Variants in FER observed in about 807,000 individuals in gnomAD.
FER encodes FER tyrosine kinase.
In FER, 63 loss-of-function variants were observed where a neutral mutation model predicts 111.0. The ratio of observed to expected loss-of-function variants is 0.57; its 90% CI spans 0.46 to 0.70. FER has a LOEUF of 0.70. Ranked by LOEUF, FER falls within the 30% of genes least tolerant of loss-of-function variation. The pLI, the probability that FER is intolerant of heterozygous loss-of-function variation, is 0.00. For synonymous variants in FER, 327 were observed against 313.9 expected (o/e 1.04, Z -0.44); for missense variants, 914 against 954.0 (o/e 0.96, Z 0.55).
chr5:108,994,533 T>C (rs1763749014), intron 13 of FER, among the ~76,000 whole-genome samples: 1 of 152,176 alleles, frequency 6.6e-6, no homozygotes, highest in Non-Finnish European at 1.5e-5. Flanking sequence ...TAGTTTGAAG[T>C]TGGGTAGTAT....
At chr5:108,813,528 G>T (rs184947922) in intron 3 of FER, among the ~76,000 whole-genome samples, 2 of 151,856 alleles carry the variant, frequency 1.3e-5, no homozygotes. Context: ...TATGGATTTG[G>T]CTGTTTAAAG....
At chr5:109,017,362 C>G (rs981164019) in intron 13 of FER, among the ~76,000 whole-genome samples, 1 of 151,920 alleles carries the variant, frequency 6.6e-6, no homozygotes, top group African/African-American at 2.4e-5. Flanking sequence ...TCATACATTA[C>G]AAATACAAAA....
chr5:109,121,694 G>A (rs1482435107), intron 17 of FER, among the ~76,000 whole-genome samples: 2 of 151,990 alleles, frequency 1.3e-5, no homozygotes, highest in East Asian at 3.9e-4. Flanking sequence ...TTAAATGTTT[G>A]GTAAAATTCA....
intron 3 of FER, among the ~76,000 whole-genome samples, chr5:108,824,042 C>G (rs893068685): frequency 2.6e-5 from 4 of 151,846 alleles, no homozygotes; most frequent in African/African-American, 7.3e-5. Flanking sequence ...CTATCTTTTC[C>G]CTATTGTGTA....
At chr5:108,883,254 C>T in intron 8 of FER, 142 bp from the exon 9 acceptor site, 1 of 734,716 alleles carries the variant, frequency 1.4e-6, no homozygotes, top group South Asian at 3.7e-5. Flanking sequence ...AACCAAAGAG[C>T]TGAAATTTTA....
At chr5:108,839,572 C>CT (rs1232820003) in intron 5 of FER, among the ~76,000 whole-genome samples, 8,171 of 94,742 alleles carry the variant, frequency 0.086, 525 homozygotes, top group South Asian at 0.13. Flanking sequence ...ATGCCATTTT[C>CT]TTTTTTTTTT....
chr5:108,820,045 GGAAA>G (rs1758687424), intron 3 of FER: 6 of 985,078 alleles, frequency 6.1e-6, no homozygotes, highest in Non-Finnish European at 4.8e-6. Context: ...AAAGGGAATG[GGAAA>G]GAGTGGAGAG....
chr5:108,941,957 A>G (rs957933342), intron 10 of FER, among the ~76,000 whole-genome samples: 8 of 152,166 alleles, frequency 5.3e-5, no homozygotes, highest in East Asian at 1.9e-4. Context: ...AAGGTTCTCA[A>G]CTGTAACACA....
intron 2 of FER, chr5:108,785,563 G>A: frequency 2.0e-6 from 1 of 506,616 alleles, no homozygotes; most frequent in South Asian, 1.6e-5. Flanking sequence ...GAAGTTTATG[G>A]CAGAGCTTTA....
At chr5:108,923,804 A>ATT (rs1187344147) in intron 10 of FER, among the ~76,000 whole-genome samples, 1 of 152,134 alleles carries the variant, frequency 6.6e-6, no homozygotes, top group Non-Finnish European at 1.5e-5. Flanking sequence ...CTTAGAGATC[A>ATT]TTTACACATA....
intron 8 of FER, among the ~76,000 whole-genome samples, chr5:108,875,667 G>A (rs1040911094): frequency 1.3e-5 from 2 of 152,074 alleles, no homozygotes; most frequent in Non-Finnish European, 2.9e-5. Context: ...ATCTAATGGT[G>A]ACCTATTGCA....
chr5:109,036,876 T>C (rs894688604), intron 13 of FER, among the ~76,000 whole-genome samples: 1 of 152,026 alleles, frequency 6.6e-6, no homozygotes, highest in African/African-American at 2.4e-5. Flanking sequence ...CCTAGTGATA[T>C]TGTAATTGGT....
intron 3 of FER, among the ~76,000 whole-genome samples, chr5:108,831,151 G>A (rs192273869): frequency 2.0e-5 from 3 of 152,182 alleles, no homozygotes; most frequent in Non-Finnish European, 2.9e-5. Context: ...AAATCTTCTC[G>A]CCTAGGCTGC....
intron 17 of FER, among the ~76,000 whole-genome samples, chr5:109,162,973 A>G (rs1023947205): frequency 6.6e-6 from 1 of 152,054 alleles, no homozygotes; most frequent in Non-Finnish European, 1.5e-5. Flanking sequence ...ATCATCCCCA[A>G]AAGTTCCCTC....
rs375567382 is a variant in FER at position 109,082,324 on chromosome 5, C to T, written c.1925-18072C>T. ...TACTCTCTTTTGTGGAAGATCTGTT[C>T]CTCACTGTCATATGTGCCTCACCTG... On this transcript the variant is annotated intron_variant, in intron 16 of 19. Transcript: ENST00000281092. Among the ~76,000 whole-genome samples the T allele has an allele frequency of 4.6e-5, 7 of 152,042 alleles. No homozygotes were observed. The South Asian group carries it at 1.5e-3, about 32-fold the overall frequency.
At chr5:108,790,273 A>ACACACACACACACT in intron 2 of FER, among the ~76,000 whole-genome samples, 1 of 141,848 alleles carries the variant, frequency 7.0e-6, no homozygotes, top group Non-Finnish European at 1.6e-5. Context: ...ACACACACAC[A>ACACACACACACACT]CTCTTACATA....
chr5:108,891,247 G>GT (rs754637042), intron 9 of FER, among the ~76,000 whole-genome samples: 1 of 151,808 alleles, frequency 6.6e-6, no homozygotes, highest in African/African-American at 2.4e-5. Flanking sequence ...GTTTTGTTTT[G>GT]TTTTTTAACT....
Position 109,100,530 on chromosome 5 carries a change from C to G in FER, c.2048+11C>G. The G allele has an allele frequency of 1.9e-6, 3 of 1,591,078 alleles. No individual in the cohort carries two copies. The highest frequency in any genetic ancestry group is 2.3e-5 in the East Asian group (1 of 44,344). On this transcript the variant is annotated intron_variant, in intron 17 of 19. Transcript: ENST00000281092. Reference sequence around the variant, plus strand: ...AAACTGTATACACAGGTAAGGAGAACATTTTTAAAGCAATTTTTGGTTTTA... The same window carrying G: ...AAACTGTATACACAGGTAAGGAGAAGATTTTTAAAGCAATTTTTGGTTTTA...
At position 109,192,638 on chromosome 5, in the gene FER, C is replaced by T. The variant is rs1433202976; in HGVS notation, c.*5063C>T. On this transcript the variant is annotated 3_prime_UTR_variant, in exon 20 of 20. Coordinates refer to ENST00000281092, the MANE Select transcript of FER (RefSeq NM_005246.4). ...TTCTTAAGCTAAGATCACTGATTAT[C>T]CACACGTTATTAGAAATCTTTGGTT... The T allele has an allele frequency of 6.6e-6, 1 of 152,102 alleles. No homozygotes were observed. 9.4% of individuals were successfully genotyped at this position (152,102 alleles called of 1,614,324 possible).
Sources: gnomAD v4.1 joint callset for allele counts (sites outside exome capture counted in the v4.1 genomes callset) on GRCh38, gnomAD v4.1.1 for gene constraint, MANE v1.5 for transcripts, NCBI Gene and HGNC (gene_info 2026-07-23, HGNC 2026-07-21) for gene names.